Variants in FTO observed in about 807,000 individuals in gnomAD.
The protein encoded by FTO is FTO alpha-ketoglutarate dependent dioxygenase, also known as alpha-ketoglutarate-dependent dioxygenase FTO.
FTO carries 47 observed loss-of-function variants against 63.9 expected under a neutral mutation model. That is an observed-to-expected ratio of 0.74 (90% CI 0.58 to 0.94). The LOEUF is 0.94. FTO is among the 40% of genes least tolerant of loss of function. The probability of loss-of-function intolerance (pLI) is 0.00; values close to 1 mark genes in which losing one functional copy is unlikely to be tolerated. For missense variants in FTO, 562 were observed against 618.1 expected (o/e 0.91, Z 0.96); for synonymous variants, 207 against 224.4 (o/e 0.92, Z 0.69).
chr16:53,803,674 G>T (rs1187611097), intron 1 of FTO, among the ~76,000 whole-genome samples: 1 of 152,180 alleles, frequency 6.6e-6, no homozygotes, highest in African/African-American at 2.4e-5. Flanking sequence ...AACTAAGAAT[G>T]TGAGTTGTGA....
intron 8 of FTO, among the ~76,000 whole-genome samples, chr16:54,084,523 A>C (rs1876942): frequency 0.53 from 81,154 of 151,962 alleles, 21,842 homozygotes; most frequent in Middle Eastern, 0.59. Flanking sequence ...TGGGGACTTA[A>C]ACAGTGTATT....
At chr16:53,901,492 G>A (rs2081401994) in intron 7 of FTO, among the ~76,000 whole-genome samples, 1 of 152,128 alleles carries the variant, frequency 6.6e-6, no homozygotes, top group Non-Finnish European at 1.5e-5. Flanking sequence ...TATTTGATTT[G>A]GTTCAAGAGA....
chr16:53,979,186 C>T (rs1484847247), intron 8 of FTO, among the ~76,000 whole-genome samples: 2 of 152,072 alleles, frequency 1.3e-5, no homozygotes, highest in Non-Finnish European at 2.9e-5. Context: ...TTTAGGGTTT[C>T]ACTTTTAAAT....
At chr16:53,903,112 A>G (rs185375917) in intron 7 of FTO, among the ~76,000 whole-genome samples, 1 of 152,264 alleles carries the variant, frequency 6.6e-6, no homozygotes, top group Admixed American at 6.5e-5. Flanking sequence ...CCTGTCTCTT[A>G]CAAAATAAAA....
chr16:53,706,946 T>C (rs2075637747), intron 1 of FTO, among the ~76,000 whole-genome samples: 1 of 152,236 alleles, frequency 6.6e-6, no homozygotes, highest in African/African-American at 2.4e-5. Flanking sequence ...CCTAAGAGTC[T>C]TTACATTTTT....
At chr16:54,080,789 C>T (rs1379514311) in intron 8 of FTO, among the ~76,000 whole-genome samples, 1 of 152,172 alleles carries the variant, frequency 6.6e-6, no homozygotes, top group Non-Finnish European at 1.5e-5. Flanking sequence ...AAGGGACTGA[C>T]TCATGTGCAG....
At chr16:53,740,357 T>G (rs926125800) in intron 1 of FTO, among the ~76,000 whole-genome samples, 1 of 152,240 alleles carries the variant, frequency 6.6e-6, no homozygotes, top group African/African-American at 2.4e-5. Flanking sequence ...AAATTTTACG[T>G]ATATTTTGAA....
At chr16:53,890,808 G>A (rs1380287980) in intron 7 of FTO, among the ~76,000 whole-genome samples, 1 of 152,084 alleles carries the variant, frequency 6.6e-6, no homozygotes, top group Non-Finnish European at 1.5e-5. Context: ...TATAAAGGCA[G>A]CTTCAATTTC....
At position 53,705,891 on chromosome 16, in the gene FTO, A is replaced by G. The variant is rs541348844; in HGVS notation, c.45+1662A>G. Reference sequence around the variant, plus strand: ...GGATTATAATTTTGGCTGAAATAGAATCACTGCACCAAAGAAGCTCTTACT... The same window carrying G: ...GGATTATAATTTTGGCTGAAATAGAGTCACTGCACCAAAGAAGCTCTTACT... On this transcript the variant is annotated intron_variant, in intron 1 of 8. Transcript: ENST00000471389. Among the ~76,000 whole-genome samples the G allele has an allele frequency of 7.9e-5, 12 of 152,344 alleles. No individual in the cohort carries two copies. In the South Asian group the frequency reaches 2.5e-3, roughly 32 times the overall value.
intron 3 of FTO, among the ~76,000 whole-genome samples, chr16:53,839,961 C>T (rs2079425723): frequency 6.6e-6 from 1 of 151,846 alleles, no homozygotes; most frequent in African/African-American, 2.4e-5. Context: ...CGCACCACCA[C>T]ACCCAGCTAA....
At chr16:54,016,670 T>G (rs2084456236) in intron 8 of FTO, among the ~76,000 whole-genome samples, 1 of 152,182 alleles carries the variant, frequency 6.6e-6, no homozygotes, top group Non-Finnish European at 1.5e-5. Context: ...TCTGCAGAAC[T>G]AGTATTTGTG....
rs555280655 is a variant in FTO, at chr16:53,764,519, G to A, written c.46-45621G>A. Among the ~76,000 whole-genome samples the A allele has an allele frequency of 1.7e-4, 26 of 150,380 alleles. No individual in the cohort carries two copies. In the South Asian group the frequency reaches 5.3e-3, roughly 31 times the overall value. On this transcript the variant is annotated intron_variant, in intron 1 of 8. Transcript: ENST00000471389. ...AAAGAGGGGCTGAATTAACTGACTTGTAGAGGCAAATGTGATATTGGTGTT... is the reference window on the plus strand; with the variant it reads ...AAAGAGGGGCTGAATTAACTGACTTATAGAGGCAAATGTGATATTGGTGTT...
At chr16:53,727,855 C>A (rs544929129) in intron 1 of FTO, among the ~76,000 whole-genome samples, 1 of 152,272 alleles carries the variant, frequency 6.6e-6, no homozygotes, top group South Asian at 2.1e-4. Flanking sequence ...AAAGTACTTG[C>A]TTTTGTTAAG....
intron 1 of FTO, among the ~76,000 whole-genome samples, chr16:53,785,948 G>A (rs2077727191): frequency 6.6e-6 from 1 of 151,662 alleles, no homozygotes; most frequent in Middle Eastern, 3.2e-3. Context: ...ATGATAAAGA[G>A]TGTGGATTTT....
chr16:54,078,688 G>A (rs1466273206), intron 8 of FTO, among the ~76,000 whole-genome samples: 1 of 152,068 alleles, frequency 6.6e-6, no homozygotes, highest in African/African-American at 2.4e-5. Flanking sequence ...TAGTGATTAA[G>A]ATGAAGAAAC....
chr16:53,798,012 G>A (rs2078120430), intron 1 of FTO, among the ~76,000 whole-genome samples: 1 of 152,076 alleles, frequency 6.6e-6, no homozygotes. Context: ...TGCACAAGGT[G>A]TGGATTGGAG....
chr16:53,788,656 A>G (rs1230587440), intron 1 of FTO, among the ~76,000 whole-genome samples: 1 of 151,016 alleles, frequency 6.6e-6, no homozygotes, highest in African/African-American at 2.4e-5. Context: ...CTCTATCTCC[A>G]TTATCTCCTA....
intron 8 of FTO, among the ~76,000 whole-genome samples, chr16:54,012,617 G>T (rs115274679): frequency 2.0e-3 from 302 of 152,284 alleles, no homozygotes; most frequent in African/African-American, 6.8e-3. Flanking sequence ...CACAGGACAG[G>T]CTTACTCTCT....
At chr16:54,040,586 TC>T (rs1599256690) in intron 8 of FTO, 6 of 152,204 alleles carry the variant, frequency 3.9e-5, no homozygotes, top group Admixed American at 1.3e-4. Flanking sequence ...ATTAGAGAGA[TC>T]AGGGAGGCTT....
Sources: allele counts gnomAD v4.1 joint callset (sites outside exome capture counted in the v4.1 genomes callset), GRCh38; gene constraint gnomAD v4.1.1; transcripts MANE v1.5; gene names NCBI Gene and HGNC (gene_info 2026-07-23, HGNC 2026-07-21).